Variants in SPTY2D1 observed in about 807,000 individuals in gnomAD.
The protein encoded by SPTY2D1 is SPT2 chromatin protein domain containing 1.
Under a neutral mutation model 64.0 loss-of-function variants are expected in SPTY2D1, and 21 were observed. The observed-to-expected ratio is 0.33, with a 90% CI of 0.23 to 0.47. The LOEUF is 0.47. SPTY2D1 is among the 20% of genes least tolerant of loss of function. SPTY2D1 has a pLI of 1.00. For missense variants in SPTY2D1, 724 were observed against 837.2 expected, an observed-to-expected ratio of 0.86 and a Z score of 1.67; for synonymous variants, 287 against 286.8, an observed-to-expected ratio of 1.00 and a Z score of -0.01.
intron 5 of SPTY2D1, 132 bp downstream of exon 5, chr11:18,611,345 C>A: frequency 3.7e-6 from 3 of 804,152 alleles, no homozygotes; most frequent in Non-Finnish European, 6.2e-6. Context: ...CAAGGCCCCA[C>A]AGCTAGTAAA....
At chr11:18,633,075 A>G (rs1428423134) in intron 1 of SPTY2D1, among the ~76,000 whole-genome samples, 3 of 152,170 alleles carry the variant, frequency 2.0e-5, no homozygotes, top group Non-Finnish European at 4.4e-5. Flanking sequence ...GGTTATTCAG[A>G]GTTCTTGGGA....
In SPTY2D1 at chr11:18,607,164, G is replaced by GACTT. The variant is rs1175697765; in HGVS notation, c.*2693_*2696dup. The GACTT allele has an allele frequency of 6.1e-6, 1 of 163,700 alleles. No homozygotes were observed. The highest frequency in any genetic ancestry group is 1.3e-5 in the Non-Finnish European group (1 of 75,992). 10.1% of individuals were successfully genotyped at this position (163,700 alleles called of 1,614,324 possible). ...AGGCTTGAGCCACCATGCCCGGCCAGACTTACTTTTTTGTTAACGGTCTTT... is the reference window on the plus strand; with the variant it reads ...AGGCTTGAGCCACCATGCCCGGCCAGACTTACTTACTTTTTTGTTAACGGTCTTT... On this transcript the variant is annotated 3_prime_UTR_variant, in exon 6 of 6. Coordinates refer to ENST00000336349, the MANE Select transcript of SPTY2D1 (RefSeq NM_194285.3).
intron 2 of SPTY2D1, 139 bp downstream of exon 2, chr11:18,616,732 GACAC>G (rs72301459): frequency 0.17 from 70,550 of 418,316 alleles, 75 homozygotes; most frequent in East Asian, 0.22. Context: ...AGTTAACCTG[GACAC>G]ACACACACAC....
intron 1 of SPTY2D1, among the ~76,000 whole-genome samples, chr11:18,626,702 T>G (rs189975853): frequency 4.3e-4 from 65 of 152,340 alleles, no homozygotes; most frequent in East Asian, 1.3e-3. Flanking sequence ...ATATGGTTAT[T>G]ATGATGATTA....
intron 1 of SPTY2D1, among the ~76,000 whole-genome samples, chr11:18,621,919 T>A (rs1486789842): frequency 2.0e-5 from 3 of 151,144 alleles, no homozygotes; most frequent in African/African-American, 7.3e-5. Flanking sequence ...AGACCCTGTC[T>A]CTCCAAACAA....
At chr11:18,610,917 CAT>C (rs956672000) in intron 5 of SPTY2D1, among the ~76,000 whole-genome samples, 7 of 152,206 alleles carry the variant, frequency 4.6e-5, no homozygotes, top group South Asian at 2.1e-4. Flanking sequence ...TGTATCCACA[CAT>C]GTGAGGCACT....
chr11:18,632,301 G>T (rs981217019), intron 1 of SPTY2D1, among the ~76,000 whole-genome samples: 2 of 152,094 alleles, frequency 1.3e-5, no homozygotes, highest in Non-Finnish European at 2.9e-5. Flanking sequence ...AGCTTTGGCG[G>T]GGAGAGGTCA....
chr11:18,614,715 G>A lies in SPTY2D1; in HGVS notation c.1559C>T (p.Pro520Leu), dbSNP rs1210503063. The A allele has an allele frequency of 6.2e-7, 1 of 1,614,104 alleles. No individual in the cohort carries two copies. Among genetic ancestry groups the A allele is most frequent in the Non-Finnish European group, 8.5e-7 (1 of 1,180,020 alleles). Residue 520 changes from proline to leucine, a missense_variant, in exon 3 of 6, where the codon CCT (proline) becomes CTT (leucine). Pro to Leu is a moderately conservative substitution (Grantham distance 98, BLOSUM62 -3). Transcript: ENST00000336349. ...ACCTGAGCTACTAACTGTTTGCCCA[G>A]GTCCCAAGCTGCTCACTGGTCTTCC... The part of the protein sequence containing the change: ...VPGRPVSSLG[P>L]GQTVSSSGPT...
intron 1 of SPTY2D1, among the ~76,000 whole-genome samples, chr11:18,621,415 A>C (rs983449249): frequency 3.3e-5 from 5 of 151,496 alleles, no homozygotes; most frequent in Non-Finnish European, 5.9e-5. Flanking sequence ...GAAAGGCATA[A>C]AAACAAGGAA....
At chr11:18,624,210 G>GA (rs34579834) in intron 1 of SPTY2D1, among the ~76,000 whole-genome samples, 79,878 of 141,938 alleles carry the variant, frequency 0.56, 25,626 homozygotes, top group Middle Eastern at 0.76. Context: ...AAAAAGAGAG[G>GA]AAAAAAAAAA....
At chr11:18,611,691 C>A in intron 4 of SPTY2D1, 137 bp from the exon 5 acceptor site, 1 of 751,784 alleles carries the variant, frequency 1.3e-6, no homozygotes. Context: ...TGCTTGGCAG[C>A]GAGTGAGGGG....
chr11:18,628,868 C>CT (rs1180911265), intron 1 of SPTY2D1, among the ~76,000 whole-genome samples: 3 of 152,160 alleles, frequency 2.0e-5, no homozygotes, highest in Non-Finnish European at 4.4e-5. Flanking sequence ...AAATCGTGGG[C>CT]TTTTTTTAAA....
Position 18,614,662 on chromosome 11 carries a change from C to A in SPTY2D1, c.1612G>T (p.Val538Phe), listed in dbSNP as rs1854259639. The change falls in exon 3 of 6, where the codon GTC (valine) becomes TTC (phenylalanine). Residue 538 changes from valine (V) to phenylalanine (F), a missense_variant. Physicochemically the swap from Val to Phe is conservative, Grantham distance 50. Coordinates refer to ENST00000336349, the MANE Select transcript of SPTY2D1 (RefSeq NM_194285.3). ...TTCTTGGAAGAAATTGTTTCGGAGA[C>A]AACAGTGCACTTAGGCTTTATAGTG... Reference protein sequence around the residue: ...GPTIKPKCTVVSETISSKNII... With the variant: ...GPTIKPKCTVFSETISSKNII... The A allele has an allele frequency of 6.2e-7, 1 of 1,614,132 alleles. No individual in the cohort carries two copies. The highest frequency in any genetic ancestry group is 1.3e-5 in the African/African-American group (1 of 74,946).
intron 1 of SPTY2D1, among the ~76,000 whole-genome samples, chr11:18,632,541 G>A (rs1263890587): frequency 1.3e-5 from 2 of 152,046 alleles, no homozygotes; most frequent in Non-Finnish European, 2.9e-5. Context: ...TAGAGATGGG[G>A]TTTCATCATA....
At chr11:18,629,893 G>A (rs774784393) in intron 1 of SPTY2D1, among the ~76,000 whole-genome samples, 4 of 152,156 alleles carry the variant, frequency 2.6e-5, no homozygotes, top group African/African-American at 4.8e-5. Context: ...AAGCTCTGCC[G>A]GGCACGGTGG....
rs184488098 is a variant in SPTY2D1, at chr11:18,622,842, C to T, written c.61-5853G>A. On this transcript the variant is annotated intron_variant, in intron 1 of 5. Coordinates refer to ENST00000336349, the MANE Select transcript of SPTY2D1 (RefSeq NM_194285.3). ...TGGCACGCACCTATAATCCCAGCTA[C>T]TCAGGAGGCTAAGGCAGGAGAATAG... Among the ~76,000 whole-genome samples the T allele has an allele frequency of 1.3e-3, 197 of 151,830 alleles. 1 individual carries two copies. Among genetic ancestry groups the T allele is most frequent in the Non-Finnish European group, 6.8e-4 (46 of 67,960 alleles).
In SPTY2D1 at chr11:18,612,872, C is replaced by A. The variant is rs543122309; in HGVS notation, c.1712-384G>T. Among the ~76,000 whole-genome samples the A allele has an allele frequency of 6.9e-4, 104 of 151,708 alleles. No individual in the cohort carries two copies. The highest frequency in any genetic ancestry group is 2.4e-3 in the African/African-American group (99 of 41,340). On this transcript the variant is annotated intron_variant, in intron 3 of 5. Coordinates refer to ENST00000336349, the MANE Select transcript of SPTY2D1 (RefSeq NM_194285.3). The surrounding 1 kb of genome is among the most constrained non-coding windows in gnomAD (Gnocchi z 4.6). ...CTCTGCCTCCCAGGTTCAAGCAATT[C>A]TCCTGCCTCAGCCTCCCGAGTAGCT... is the stretch of plus-strand genomic sequence containing the variant.
Position 18,634,199 on chromosome 11 carries a change from G to A in SPTY2D1, c.59C>T (p.Pro20Leu). ...ATTGATGCCCCAGCTGCTACTTACCGGCACATTGTTGACACCTTGTCCCTT... is the reference window on the plus strand; with the variant it reads ...ATTGATGCCCCAGCTGCTACTTACCAGCACATTGTTGACACCTTGTCCCTT... ...ASKGQGVNNV[P>L]KRYSLAVGPP... The change falls in exon 1 of 6, where the codon CCG (proline) becomes CTG (leucine). Residue 20 changes from proline (P) to leucine (L), a missense_variant and splice_region_variant. Coordinates refer to ENST00000336349, the MANE Select transcript of SPTY2D1 (RefSeq NM_194285.3). 6.2e-7 allele frequency: 1 copy of A among 1,614,180 alleles called. No homozygotes were observed. Among genetic ancestry groups the A allele is most frequent in the Non-Finnish European group, 8.5e-7 (1 of 1,180,028 alleles).
chr11:18,631,622 C>G (rs1284580653), intron 1 of SPTY2D1, among the ~76,000 whole-genome samples: 1 of 144,158 alleles, frequency 6.9e-6, no homozygotes, highest in Non-Finnish European at 1.5e-5. Flanking sequence ...AAAAAAACCA[C>G]CAAACACTTT....
Sources: gnomAD v4.1 joint callset for allele counts (sites outside exome capture counted in the v4.1 genomes callset) on GRCh38, gnomAD v4.1.1 for gene constraint, Gnocchi (gnomAD v3.1) non-coding constraint, MANE v1.5 for transcripts, NCBI Gene and HGNC (gene_info 2026-07-23, HGNC 2026-07-21) for gene names.